The following MPPED1 variants were observed in gnomAD, a reference collection of about 807,000 sequenced individuals.
The protein encoded by MPPED1 is metallophosphoesterase domain-containing protein 1.
A neutral mutation model predicts 36.2 loss-of-function variants in MPPED1; 16 were observed. That is an observed-to-expected ratio of 0.44 (90% CI 0.30 to 0.67). The LOEUF is 0.67. Ranked by LOEUF, MPPED1 falls within the 30% of genes least tolerant of loss-of-function variation. The pLI is 0.10. For synonymous variants in MPPED1, 199 were observed against 191.3 expected (o/e 1.04, Z -0.33); for missense variants, 307 against 453.4 (o/e 0.68, Z 2.93).
intron 3 of MPPED1, among the ~76,000 whole-genome samples, chr22:43,457,210 T>C (rs1930784537): frequency 6.6e-6 from 1 of 152,212 alleles, no homozygotes; most frequent in Non-Finnish European, 1.5e-5. Flanking sequence ...TTGATACAAA[T>C]CGCCAGTGAA....
intron 1 of MPPED1, among the ~76,000 whole-genome samples, chr22:43,415,787 G>A (rs757945696): frequency 6.6e-6 from 1 of 152,222 alleles, no homozygotes; most frequent in African/African-American, 2.4e-5. Context: ...ACACCTGAAA[G>A]TTTGTTTCTA....
At chr22:43,493,422 A>G (rs1404092739) in intron 4 of MPPED1, among the ~76,000 whole-genome samples, 2 of 152,174 alleles carry the variant, frequency 1.3e-5, no homozygotes, top group Non-Finnish European at 1.5e-5. Flanking sequence ...GGCAGCCTTG[A>G]GCACTGGTGC....
intron 1 of MPPED1, chr22:43,418,291 T>C (rs935976010): frequency 1.1e-4 from 41 of 378,712 alleles, no homozygotes; most frequent in Non-Finnish European, 2.0e-4. Context: ...GAGAGGCCTG[T>C]GTTGGCTGGA....
At chr22:43,492,352 G>A (rs955616018) in intron 4 of MPPED1, among the ~76,000 whole-genome samples, 2 of 152,088 alleles carry the variant, frequency 1.3e-5, no homozygotes, top group Non-Finnish European at 2.9e-5. Context: ...CATGTCAGGG[G>A]TGATACGTAT....
At chr22:43,488,430 G>A (rs564554400) in intron 4 of MPPED1, among the ~76,000 whole-genome samples, 4 of 152,158 alleles carry the variant, frequency 2.6e-5, no homozygotes, top group Non-Finnish European at 4.4e-5. Context: ...GTGTCTCCCC[G>A]CTTCCCTGTT....
intron 3 of MPPED1, among the ~76,000 whole-genome samples, chr22:43,464,750 TCCACATTTCTCTTACCCACTCCCA>T (rs2146872813): frequency 6.6e-6 from 1 of 152,308 alleles, no homozygotes; most frequent in East Asian, 1.9e-4. Flanking sequence ...TTCTTGTAGC[TCCACATTTCTCTTACCCACTCCCA>T]GGACTTTGGT....
At chr22:43,451,507 A>G (rs1340611057) in intron 3 of MPPED1, among the ~76,000 whole-genome samples, 1 of 152,238 alleles carries the variant, frequency 6.6e-6, no homozygotes, top group Non-Finnish European at 1.5e-5. Flanking sequence ...GATGCAAATG[A>G]AGATCCGAGA....
chr22:43,438,889 C>T (rs1015476369), intron 3 of MPPED1, among the ~76,000 whole-genome samples: 1 of 152,158 alleles, frequency 6.6e-6, no homozygotes, highest in Non-Finnish European at 1.5e-5. Flanking sequence ...ACCTTGCCCA[C>T]CTCGCCCACC....
At chr22:43,500,290 G>GAT (rs1932665014) in intron 5 of MPPED1, among the ~76,000 whole-genome samples, 1 of 9,052 alleles carries the variant, frequency 1.1e-4, no homozygotes, top group Admixed American at 1.3e-3. Context: ...GTGGTGATGG[G>GAT]GGTGGTGGTG....
chr22:43,500,359 A>AGGTGGTGGTGGAGGTGGT (rs1932680929), intron 5 of MPPED1, among the ~76,000 whole-genome samples: 1 of 48,670 alleles, frequency 2.1e-5, no homozygotes, highest in African/African-American at 8.5e-5. Flanking sequence ...ATGGTGATGG[A>AGGTGGTGGTGGAGGTGGT]GGTGGTGATG....
chr22:43,443,425 G>C (rs961090983), intron 3 of MPPED1, among the ~76,000 whole-genome samples: 1 of 152,288 alleles, frequency 6.6e-6, no homozygotes, highest in South Asian at 2.1e-4. Flanking sequence ...AGGTGTCTGC[G>C]AGAGGCCAGG....
rs531469147 is a variant in MPPED1 at position 43,430,604 on chromosome 22, G to C, written c.225-4430G>C. The stretch of plus-strand genomic sequence containing the variant: ...TGGGGAGAGCTTGAGATGGGTGTCA[G>C]GTCTCAGAACCACCCCAGTAGGCAG... On this transcript the variant is annotated intron_variant, in intron 2 of 6. Coordinates refer to ENST00000443721, the MANE Select transcript of MPPED1 (RefSeq NM_001044370.2). Among the ~76,000 whole-genome samples the C allele has an allele frequency of 1.4e-4, 22 of 152,304 alleles. No individual in the cohort carries two copies. In the South Asian group the frequency reaches 4.4e-3, roughly 30 times the overall value.
At chr22:43,491,452 CGGTGGTGGTGATGGAGGTGGT>C (rs1216544196) in intron 4 of MPPED1, among the ~76,000 whole-genome samples, 1 of 140,622 alleles carries the variant, frequency 7.1e-6, no homozygotes, top group African/African-American at 2.7e-5. Context: ...ATAGAGGAGG[CGGTGGTGGTGATGGAGGTGGT>C]GGTGGTGGTG....
intron 1 of MPPED1, among the ~76,000 whole-genome samples, chr22:43,420,721 C>T (rs186861154): frequency 4.3e-4 from 66 of 152,306 alleles, no homozygotes; most frequent in East Asian, 1.9e-4. Context: ...CTTTCTTGAT[C>T]ACCCAATTTA....
intron 1 of MPPED1, among the ~76,000 whole-genome samples, chr22:43,419,517 G>A (rs958072315): frequency 6.6e-6 from 1 of 152,188 alleles, no homozygotes; most frequent in African/African-American, 2.4e-5. Context: ...TGACTGAGCC[G>A]GGCCTGAGAA....
At chr22:43,457,488 G>A (rs936256842) in intron 3 of MPPED1, among the ~76,000 whole-genome samples, 6 of 151,950 alleles carry the variant, frequency 3.9e-5, no homozygotes, top group African/African-American at 1.4e-4. Context: ...TGACTGTACT[G>A]TTTAAGCATG....
At chr22:43,495,797 A>G (rs374490006) in intron 4 of MPPED1, among the ~76,000 whole-genome samples, 312 of 1,226 alleles carry the variant, frequency 0.25, no homozygotes, top group Non-Finnish European at 0.27. Context: ...GGAGGTGGTG[A>G]TGGAGGTGGT....
At chr22:43,430,684 G>A (rs556209853) in intron 2 of MPPED1, among the ~76,000 whole-genome samples, 4 of 152,260 alleles carry the variant, frequency 2.6e-5, no homozygotes, top group Non-Finnish European at 4.4e-5. Flanking sequence ...TTGCTTCCAC[G>A]TCTTATCTCT....
chr22:43,466,401 A>G (rs1931173391), intron 3 of MPPED1, among the ~76,000 whole-genome samples: 1 of 152,150 alleles, frequency 6.6e-6, no homozygotes, highest in African/African-American at 2.4e-5. Flanking sequence ...GGTGACCTGA[A>G]CTTGTAGAGC....
Sources: gnomAD v4.1 joint callset for allele counts (sites outside exome capture counted in the v4.1 genomes callset) on GRCh38, gnomAD v4.1.1 for gene constraint, MANE v1.5 for transcripts, NCBI Gene and HGNC (gene_info 2026-07-23, HGNC 2026-07-21) for gene names.